Variants in GRM8 observed in about 807,000 individuals in gnomAD.
GRM8 encodes the protein metabotropic glutamate receptor 8.
A neutral mutation model predicts 87.2 loss-of-function variants in GRM8; 47 were observed. The ratio of observed to expected loss-of-function variants is 0.54; its 90% CI spans 0.43 to 0.69. The LOEUF is 0.69. GRM8 is among the 30% of genes least tolerant of loss of function. GRM8 has a pLI of 0.00. For synonymous variants in GRM8, 396 were observed against 404.5 expected, an observed-to-expected ratio of 0.98 and a Z score of 0.25; for missense variants, 1,019 against 1,139.2, an observed-to-expected ratio of 0.89 and a Z score of 1.52.
At chr7:126,841,191 G>A (rs1479092552) in intron 6 of GRM8, among the ~76,000 whole-genome samples, 2 of 152,200 alleles carry the variant, frequency 1.3e-5, no homozygotes, top group Non-Finnish European at 1.5e-5. Flanking sequence ...CTTATCATCT[G>A]CTATAAATGT....
chr7:127,027,343 T>G (rs901405875), intron 3 of GRM8, among the ~76,000 whole-genome samples: 2 of 152,172 alleles, frequency 1.3e-5, no homozygotes, highest in Non-Finnish European at 2.9e-5. Flanking sequence ...CATATGAAAT[T>G]TAAAGTAGTT....
intron 2 of GRM8, among the ~76,000 whole-genome samples, chr7:127,221,979 C>T (rs1796961381): frequency 6.6e-6 from 1 of 152,224 alleles, no homozygotes; most frequent in Admixed American, 6.5e-5. Context: ...CTGAGGTCAT[C>T]AGCAGCATAA....
rs1794890144 is a variant in GRM8 at position 127,189,159 on chromosome 7, G to A, written c.510+53536C>T. Among the ~76,000 whole-genome samples the A allele has an allele frequency of 3.9e-5, 6 of 152,154 alleles. No homozygotes were observed. The South Asian group carries it at 1.2e-3, about 32-fold the overall frequency. On this transcript the variant is annotated intron_variant, in intron 2 of 10. Coordinates refer to ENST00000339582, the MANE Select transcript of GRM8 (RefSeq NM_000845.3). ...TATACACAGTATGGTAGGAAGACCT[G>A]CAGACCTAAGCAGGTTTGAGCTATT...
intron 8 of GRM8, among the ~76,000 whole-genome samples, chr7:126,551,612 C>A (rs1046125581): frequency 3.9e-5 from 6 of 152,026 alleles, no homozygotes; most frequent in African/African-American, 1.4e-4. Flanking sequence ...CACCATTTGG[C>A]CTAAACATTT....
At chr7:126,608,370 C>A (rs1261620482) in intron 8 of GRM8, among the ~76,000 whole-genome samples, 1 of 152,172 alleles carries the variant, frequency 6.6e-6, no homozygotes, top group African/African-American at 2.4e-5. Flanking sequence ...CACGTGCTAA[C>A]CCCACTGGGT....
intron 10 of GRM8, among the ~76,000 whole-genome samples, chr7:126,444,432 T>C (rs1458104229): frequency 6.6e-6 from 1 of 152,118 alleles, no homozygotes; most frequent in African/African-American, 2.4e-5. Flanking sequence ...CAAGGTTTCA[T>C]GTTTGCAGAA....
chr7:126,602,390 G>T (rs1797884034), intron 8 of GRM8, among the ~76,000 whole-genome samples: 1 of 124,324 alleles, frequency 8.0e-6, no homozygotes, highest in African/African-American at 2.6e-5. Context: ...TTGTTCTTTT[G>T]GCTTAGGATT....
At chr7:127,192,710 T>C (rs1032395988) in intron 2 of GRM8, among the ~76,000 whole-genome samples, 1 of 152,222 alleles carries the variant, frequency 6.6e-6, no homozygotes, top group African/African-American at 2.4e-5. Flanking sequence ...TGGGCTGCCA[T>C]CCTTACATTC....
intron 8 of GRM8, among the ~76,000 whole-genome samples, chr7:126,564,376 C>A (rs1794013208): frequency 6.6e-6 from 1 of 151,966 alleles, no homozygotes; most frequent in African/African-American, 2.4e-5. Flanking sequence ...CCAGACTGAA[C>A]CAGAGTGAAG....
At chr7:127,150,213 G>A (rs563412157) in intron 2 of GRM8, among the ~76,000 whole-genome samples, 2 of 151,936 alleles carry the variant, frequency 1.3e-5, no homozygotes, top group Non-Finnish European at 2.9e-5. Context: ...AAGAAGACAG[G>A]CATAGAATGG....
chr7:126,837,732 G>A (rs934721518), intron 6 of GRM8, among the ~76,000 whole-genome samples: 1 of 152,204 alleles, frequency 6.6e-6, no homozygotes, highest in Non-Finnish European at 1.5e-5. Context: ...GATTTGTGAT[G>A]CTAAAAGAAT....
chr7:126,968,000 CAG>C (rs1250167077), intron 3 of GRM8, among the ~76,000 whole-genome samples: 12 of 152,198 alleles, frequency 7.9e-5, no homozygotes, highest in Admixed American at 5.9e-4. Flanking sequence ...AATATTCATG[CAG>C]AGTTAAATGT....
chr7:127,008,319 T>A (rs184279729), intron 3 of GRM8, among the ~76,000 whole-genome samples: 1 of 152,216 alleles, frequency 6.6e-6, no homozygotes. Context: ...AGCAACTGAC[T>A]GATTCAAATA....
At position 126,443,121 on chromosome 7, in the gene GRM8, AACAAATCT is replaced by A. The variant is rs200807922; in HGVS notation, c.2677+2997_2677+3004del. 6.3e-4 allele frequency among the ~76,000 whole-genome samples: 96 copies of A among 152,116 alleles called. No homozygotes were observed. The East Asian group carries it at 0.017, about 27-fold the overall frequency. The stretch of plus-strand genomic sequence containing the variant: ...CACACTGTGTTCATAAGCTAGAAAA[AACAAATCT>A]ACCTCCAGCAGCAGCTGTTTTCATG... On this transcript the variant is annotated intron_variant, in intron 10 of 10. Coordinates refer to ENST00000339582, the MANE Select transcript of GRM8 (RefSeq NM_000845.3).
chr7:127,238,216 G>A (rs918364836), intron 2 of GRM8, among the ~76,000 whole-genome samples: 1 of 151,924 alleles, frequency 6.6e-6, no homozygotes, highest in African/African-American at 2.4e-5. Flanking sequence ...TGATACTTCT[G>A]TTATCTAAAG....
intron 3 of GRM8, among the ~76,000 whole-genome samples, chr7:127,100,865 A>T (rs1229415129): frequency 6.6e-6 from 1 of 152,208 alleles, no homozygotes; most frequent in Admixed American, 6.5e-5. Flanking sequence ...GCTTCTCCCC[A>T]TGAGTCCATC....
intron 6 of GRM8, among the ~76,000 whole-genome samples, chr7:126,811,223 CTA>C (rs1346093309): frequency 6.6e-6 from 1 of 151,970 alleles, no homozygotes; most frequent in Non-Finnish European, 1.5e-5. Context: ...GTTCATTGAT[CTA>C]TATGTCTGTT....
At chr7:126,768,307 C>A (rs1389699099) in intron 7 of GRM8, among the ~76,000 whole-genome samples, 1 of 136,708 alleles carries the variant, frequency 7.3e-6, no homozygotes, top group Non-Finnish European at 1.5e-5. Context: ...ATCGTCAGCA[C>A]CTGTCCTAAA....
At chr7:127,165,920 G>T (rs1328186781) in intron 2 of GRM8, among the ~76,000 whole-genome samples, 1 of 152,144 alleles carries the variant, frequency 6.6e-6, no homozygotes, top group Admixed American at 6.6e-5. Context: ...GAGAAATCTG[G>T]GCATGGGAGA....
Sources: allele counts gnomAD v4.1 joint callset (sites outside exome capture counted in the v4.1 genomes callset), GRCh38; gene constraint gnomAD v4.1.1; transcripts MANE v1.5; gene names NCBI Gene and HGNC (gene_info 2026-07-23, HGNC 2026-07-21).